Variants in INPP4A observed in about 807,000 individuals in gnomAD.
INPP4A encodes inositol polyphosphate-4-phosphatase, type I, 107kD.
In INPP4A, 33 loss-of-function variants were observed where a neutral mutation model predicts 119.8. The observed-to-expected ratio is 0.28, with a 90% CI of 0.21 to 0.37. The LOEUF is 0.37. Among genes scored for constraint, INPP4A ranks in the 10% least tolerant of loss-of-function variants. INPP4A has a pLI of 1.00. For synonymous variants in INPP4A, 496 were observed against 500.7 expected (o/e 0.99, Z 0.12); for missense variants, 956 against 1,289.9 (o/e 0.74, Z 3.97).
intron 4 of INPP4A, chr2:98,520,942 C>G (rs1291728793): frequency 6.1e-6 from 3 of 487,888 alleles, no homozygotes; most frequent in Non-Finnish European, 1.1e-5. Flanking sequence ...AGGCTCCTGT[C>G]TCCTCAGCAT....
chr2:98,504,544 G>C (rs1377924905), intron 1 of INPP4A, among the ~76,000 whole-genome samples: 2 of 152,164 alleles, frequency 1.3e-5, no homozygotes, highest in East Asian at 3.9e-4. Flanking sequence ...CTGCCACTTG[G>C]AGGCCTTGGG....
chr2:98,539,012 C>T (rs1287248949), intron 9 of INPP4A, 31 bp downstream of exon 9: 8 of 1,393,938 alleles, frequency 5.7e-6, no homozygotes, highest in Non-Finnish European at 8.1e-6. Flanking sequence ...GTATTCTTGC[C>T]TCTCTAGTGA....
intron 1 of INPP4A, among the ~76,000 whole-genome samples, chr2:98,475,600 T>G (rs1677042320): frequency 6.6e-6 from 1 of 152,306 alleles, no homozygotes; most frequent in Non-Finnish European, 1.5e-5. Flanking sequence ...CATTGAACAT[T>G]TACAGATACT....
Position 98,543,862 on chromosome 2 carries a change from G to T in INPP4A, c.819-15G>T. 6.2e-7 allele frequency: 1 copy of T among 1,613,412 alleles called. No individual in the cohort carries two copies. The highest frequency in any genetic ancestry group is 1.3e-5 in the African/African-American group (1 of 75,046). On this transcript the variant is annotated splice_polypyrimidine_tract_variant and intron_variant, in intron 10 of 24. Transcript: ENST00000409851. ...AGTTAGCCCACAGCCTGATGCATCT[G>T]TGTCTTGCTTTCAGAGTGTGTGAGC...
At chr2:98,497,818 C>T (rs569884710) in intron 1 of INPP4A, among the ~76,000 whole-genome samples, 1 of 152,288 alleles carries the variant, frequency 6.6e-6, no homozygotes, top group South Asian at 2.1e-4. Flanking sequence ...CAAAGGAGAT[C>T]ATTTTGGAGC....
chr2:98,563,843 C>T (rs1313513874), intron 18 of INPP4A, among the ~76,000 whole-genome samples: 1 of 152,130 alleles, frequency 6.6e-6, no homozygotes, highest in Non-Finnish European at 1.5e-5. Flanking sequence ...ATGCTTGCTT[C>T]TCCCAAGGAA....
Position 98,566,839 on chromosome 2 carries a change from A to T in INPP4A, c.2420+670A>T, listed in dbSNP as rs1474573187. Among the ~76,000 whole-genome samples, 1 of 152,224 alleles carries T rather than the reference A, an allele frequency of 6.6e-6. No individual in the cohort carries two copies. The highest frequency in any genetic ancestry group is 1.5e-5 in the Non-Finnish European group (1 of 68,040). ...TACCCTTTACTGGCCTTCCACTAGT[A>T]CATGAGAATGATTCCTGTGTTGTCA... On this transcript the variant is annotated intron_variant, in intron 21 of 24. Transcript: ENST00000409851. The surrounding 1 kb of genome is among the most constrained non-coding windows in gnomAD (Gnocchi z 4.2).
chr2:98,471,487 G>T (rs551008880), intron 1 of INPP4A, among the ~76,000 whole-genome samples: 76 of 152,312 alleles, frequency 5.0e-4, no homozygotes, highest in African/African-American at 1.8e-3. Context: ...ATTTCTGTTA[G>T]ACCATCTGAG....
In INPP4A at chr2:98,448,655, C is replaced by T. The variant is rs192156999; in HGVS notation, c.-166+3570C>T. 1.1e-4 allele frequency among the ~76,000 whole-genome samples: 17 copies of T among 150,518 alleles called. No individual in the cohort carries two copies. The East Asian group carries it at 2.3e-3, about 21-fold the overall frequency. On this transcript the variant is annotated intron_variant, in intron 1 of 24. Coordinates refer to ENST00000409851, the MANE Select transcript of INPP4A (RefSeq NM_001134225.2). ...TTAGATTCAGGTTATGCACTTCTGG[C>T]GGGAGTAGCACAAGGTTGAAGCAGT...
At position 98,565,637 on chromosome 2, in the gene INPP4A, C is replaced by T. The variant is rs768733936; in HGVS notation, c.2153-3C>T. On this transcript the variant is annotated splice_polypyrimidine_tract_variant and splice_region_variant and intron_variant, in intron 19 of 24. Coordinates refer to ENST00000409851, the MANE Select transcript of INPP4A (RefSeq NM_001134225.2). ...GACAGCCCTGCCCCTCTCTCATGTC[C>T]AGGGGAGGAGCTGGCAATGCTGGAG... The T allele has an allele frequency of 1.2e-6, 2 of 1,605,104 alleles. No individual in the cohort carries two copies. Among genetic ancestry groups the T allele is most frequent in the Non-Finnish European group, 1.7e-6 (2 of 1,173,328 alleles).
Position 98,535,548 on chromosome 2 carries a change from A to G in INPP4A, c.271-181A>G, listed in dbSNP as rs1690084231. On this transcript the variant is annotated intron_variant, in intron 5 of 24. Transcript: ENST00000409851. ...ATGTCAGACTTCTTTTTTCTCTTTT[A>G]AAAAGCAGAGTTTTTTTGTTTGTTT... 2.0e-5 allele frequency among the ~76,000 whole-genome samples: 3 copies of G among 152,188 alleles called. No individual in the cohort carries two copies. In the South Asian group the frequency reaches 6.2e-4, roughly 32 times the overall value.
At chr2:98,530,798 G>A (rs1689074223) in intron 4 of INPP4A, among the ~76,000 whole-genome samples, 1 of 152,206 alleles carries the variant, frequency 6.6e-6, no homozygotes, top group African/African-American at 2.4e-5. Flanking sequence ...TTAAGAGACA[G>A]ACACTAAAAT....
intron 23 of INPP4A, among the ~76,000 whole-genome samples, chr2:98,576,405 G>A (rs1032817054): frequency 6.6e-6 from 1 of 152,224 alleles, no homozygotes; most frequent in African/African-American, 2.4e-5. Flanking sequence ...TACCGGGAAA[G>A]TATGGCGGGA....
chr2:98,558,932 T>A (rs1283231439), intron 16 of INPP4A, among the ~76,000 whole-genome samples: 2 of 152,216 alleles, frequency 1.3e-5, no homozygotes, highest in Non-Finnish European at 2.9e-5. Context: ...CATAGAGTTT[T>A]TTTTGGTATA....
At chr2:98,559,807 C>T (rs2106287364) in intron 17 of INPP4A, among the ~76,000 whole-genome samples, 1 of 152,288 alleles carries the variant, frequency 6.6e-6, no homozygotes, top group Non-Finnish European at 1.5e-5. Context: ...ATCTGGACTT[C>T]CTGGGTGCAG....
chr2:98,494,248 T>G (rs1375310415), intron 1 of INPP4A, among the ~76,000 whole-genome samples: 1 of 152,214 alleles, frequency 6.6e-6, no homozygotes, highest in Non-Finnish European at 1.5e-5. Context: ...CAAGGCTGCA[T>G]GTTGCAGAGG....
intron 1 of INPP4A, among the ~76,000 whole-genome samples, chr2:98,450,225 G>A (rs1381317216): frequency 6.6e-6 from 1 of 152,104 alleles, no homozygotes; most frequent in Admixed American, 6.5e-5. Flanking sequence ...TTGAGGAGTG[G>A]TTAGAGCATC....
intron 24 of INPP4A, chr2:98,581,523 T>A: frequency 6.7e-7 from 1 of 1,486,886 alleles, no homozygotes; most frequent in Non-Finnish European, 8.9e-7. Context: ...TTCTTTATTT[T>A]CTTTCCTTTC....
chr2:98,515,435 T>G (rs1574858440), intron 1 of INPP4A, among the ~76,000 whole-genome samples: 1 of 115,294 alleles, frequency 8.7e-6, no homozygotes, highest in African/African-American at 3.5e-5. Context: ...TGTGGTGGGG[T>G]AGGACGGGGG....
Sources: gnomAD v4.1 joint callset for allele counts (sites outside exome capture counted in the v4.1 genomes callset) on GRCh38, gnomAD v4.1.1 for gene constraint, Gnocchi (gnomAD v3.1) non-coding constraint, MANE v1.5 for transcripts, NCBI Gene and HGNC (gene_info 2026-07-23, HGNC 2026-07-21) for gene names.